RTF1: variants seen among roughly 807,000 people sequenced by gnomAD.
The protein encoded by RTF1 is RTF1 homolog, Paf1/RNA polymerase II complex component.
A neutral mutation model predicts 95.7 loss-of-function variants in RTF1; 10 were observed. The observed-to-expected ratio is 0.10, with a 90% CI of 0.06 to 0.18. RTF1 has a LOEUF of 0.18. Among genes scored for constraint, RTF1 ranks in the 10% least tolerant of loss-of-function variants. RTF1 has a pLI of 1.00. For missense variants in RTF1, 458 were observed against 875.6 expected, an observed-to-expected ratio of 0.52 and a Z score of 6.02; for synonymous variants, 305 against 311.8, an observed-to-expected ratio of 0.98 and a Z score of 0.23.
intron 1 of RTF1, 128 bp from the exon 2 acceptor site, chr15:41,438,193 C>T (rs2050714618): frequency 1.9e-6 from 1 of 534,468 alleles, no homozygotes; most frequent in Non-Finnish European, 3.3e-6. Context: ...ATAGAAGTCC[C>T]TGTGACAATG....
chr15:41,454,867 A>G (rs554251967), intron 3 of RTF1, among the ~76,000 whole-genome samples: 1 of 152,194 alleles, frequency 6.6e-6, no homozygotes, highest in Admixed American at 6.5e-5. Flanking sequence ...TTTCAGTTGC[A>G]CTAGCCACAT....
At chr15:41,477,541 A>G (rs2140657147) in intron 14 of RTF1, 26 bp downstream of exon 14, 1 of 1,592,816 alleles carries the variant, frequency 6.3e-7, no homozygotes, top group African/African-American at 1.3e-5. Context: ...CTGAATCACT[A>G]AAACAAAGTT....
intron 1 of RTF1, among the ~76,000 whole-genome samples, chr15:41,430,009 T>C (rs1197742434): frequency 6.7e-6 from 1 of 148,548 alleles, no homozygotes; most frequent in Non-Finnish European, 1.5e-5. Context: ...ATTTTTTCTT[T>C]TCTTTTTTTT....
At chr15:41,421,374 T>C (rs2050599714) in intron 1 of RTF1, among the ~76,000 whole-genome samples, 1 of 151,890 alleles carries the variant, frequency 6.6e-6, no homozygotes, top group African/African-American at 2.4e-5. Context: ...GAGAATCACT[T>C]GAACCCAGGA....
At chr15:41,472,962 A>G in intron 8 of RTF1, among the ~76,000 whole-genome samples, 1 of 151,758 alleles carries the variant, frequency 6.6e-6, no homozygotes, top group East Asian at 1.9e-4. Context: ...CGGCCTCCCA[A>G]AGTGCTGGGA....
chr15:41,477,062 C>T (rs1328389289), intron 12 of RTF1, 103 bp from the exon 13 acceptor site: 2 of 1,442,876 alleles, frequency 1.4e-6, no homozygotes, highest in Admixed American at 1.7e-5. Context: ...GTCCTTTGCT[C>T]ACCACATGAG....
chr15:41,451,491 T>G (rs1259238202), intron 2 of RTF1, among the ~76,000 whole-genome samples: 1 of 152,234 alleles, frequency 6.6e-6, no homozygotes, highest in Non-Finnish European at 1.5e-5. Context: ...ATTGCCTGCC[T>G]GTTTGACAGT....
chr15:41,426,487 A>G (rs1307471539), intron 1 of RTF1, among the ~76,000 whole-genome samples: 3 of 151,512 alleles, frequency 2.0e-5, no homozygotes, highest in Non-Finnish European at 4.4e-5. Flanking sequence ...TTGTATTTTT[A>G]GTAGAGACAG....
In RTF1 at chr15:41,466,186, C is replaced by G. The variant is rs1379951942; in HGVS notation, c.823C>G (p.Leu275Val). 6.3e-7 allele frequency: 1 copy of G among 1,595,148 alleles called. No homozygotes were observed. Among genetic ancestry groups the G allele is most frequent in the Non-Finnish European group, 8.5e-7 (1 of 1,171,766 alleles). Reference sequence around the variant, plus strand: ...ACGGCGTTCCAAGCGGGATGAGAAACTAGACAAGAAATCTCAAGCCATGGA... The same window carrying G: ...ACGGCGTTCCAAGCGGGATGAGAAAGTAGACAAGAAATCTCAAGCCATGGA... ...KERRSKRDEKLDKKSQAMEEL... is the reference protein window; with the variant it reads ...KERRSKRDEKVDKKSQAMEEL... Residue 275 changes from leucine to valine, a missense_variant, in exon 6 of 18, where the codon CTA (leucine) becomes GTA (valine). Around this residue, in one of 11 missense-constraint regions of RTF1, gnomAD observed 7 missense variants for 54.3 expected, o/e 0.13. Transcript: ENST00000389629.
At chr15:41,468,534 G>C (rs546409128) in intron 6 of RTF1, among the ~76,000 whole-genome samples, 1 of 152,182 alleles carries the variant, frequency 6.6e-6, no homozygotes, top group South Asian at 2.1e-4. Context: ...AGCCAGGATG[G>C]TCTTGATCTC....
At chr15:41,443,731 C>T (rs186442311) in intron 2 of RTF1, among the ~76,000 whole-genome samples, 49 of 152,096 alleles carry the variant, frequency 3.2e-4, no homozygotes, top group Middle Eastern at 3.4e-3. Flanking sequence ...AAAACCCCAT[C>T]TCTACTAAAA....
At chr15:41,455,238 A>G (rs577299305) in intron 3 of RTF1, among the ~76,000 whole-genome samples, 1 of 151,026 alleles carries the variant, frequency 6.6e-6, no homozygotes, top group Admixed American at 6.6e-5. Flanking sequence ...CGCTTGAACC[A>G]GGGAGTTGGA....
At chr15:41,438,498 T>A in intron 2 of RTF1, 67 bp downstream of exon 2, 1 of 1,019,034 alleles carries the variant, frequency 9.8e-7, no homozygotes, top group Non-Finnish European at 1.4e-6. Context: ...TGGTGGCTCC[T>A]GTTGGCCTCA....
chr15:41,471,402 C>G (rs1363500722), intron 8 of RTF1, 53 bp downstream of exon 8: 2 of 1,528,574 alleles, frequency 1.3e-6, no homozygotes, highest in Non-Finnish European at 1.8e-6. Context: ...TAATTAGTCT[C>G]AACTGAGGGC....
At chr15:41,479,253 G>T in intron 16 of RTF1, 55 bp downstream of exon 16, 1 of 1,238,660 alleles carries the variant, frequency 8.1e-7, no homozygotes, top group African/African-American at 1.5e-5. Context: ...CTGAGATACC[G>T]AACAAGTACC....
chr15:41,443,698 G>A (rs1328794866), intron 2 of RTF1, among the ~76,000 whole-genome samples: 1 of 151,802 alleles, frequency 6.6e-6, no homozygotes, highest in Non-Finnish European at 1.5e-5. Context: ...TGGGAAGTTC[G>A]GGACCAGCCT....
intron 6 of RTF1, 108 bp from the exon 7 acceptor site, chr15:41,470,149 A>AG: frequency 8.7e-7 from 1 of 1,153,202 alleles, no homozygotes; most frequent in Admixed American, 2.1e-5. Context: ...CAGTCTAGAG[A>AG]GGACGGAGCT....
Position 41,475,597 on chromosome 15 carries a change from G to A in RTF1, c.1359G>A (p.Met453Ile). The change falls in exon 10 of 18, where the codon ATG becomes ATA. Residue 453 changes from methionine to isoleucine, a missense_variant. Around this residue, in one of 11 missense-constraint regions of RTF1, gnomAD observed 150 missense variants for 275.7 expected, o/e 0.54. Transcript: ENST00000389629. Reference sequence around the variant, plus strand: ...AAGAATTCACCGAAAGTGAGTTTATGAAGTGGAAAGAAGCGGTACGTGGCT... The same window carrying A: ...AAGAATTCACCGAAAGTGAGTTTATAAAGTGGAAAGAAGCGGTACGTGGCT... ...SNQEFTESEFMKWKEAMFSAG... is the reference protein window; with the variant it reads ...SNQEFTESEFIKWKEAMFSAG... The A allele has an allele frequency of 6.2e-7, 1 of 1,614,088 alleles. No individual in the cohort carries two copies. The highest frequency in any genetic ancestry group is 8.5e-7 in the Non-Finnish European group (1 of 1,179,954).
At position 41,457,907 on chromosome 15, in the gene RTF1, C is replaced by T. The variant is rs563644270; in HGVS notation, c.662+31C>T. On this transcript the variant is annotated intron_variant, in intron 4 of 17. Transcript: ENST00000389629. Reference sequence around the variant, plus strand: ...GTTGTCCTCGTCGTTGTCCCCCCCCCGCCCCCACCTTTTCTGTTCATCTCT... The same window carrying T: ...GTTGTCCTCGTCGTTGTCCCCCCCCTGCCCCCACCTTTTCTGTTCATCTCT... The T allele has an allele frequency of 2.2e-4, 301 of 1,338,986 alleles. No individual in the cohort carries two copies. The African/African-American group carries it at 4.2e-3, about 19-fold the overall frequency. The allele number at this position is 1,338,986 out of a possible 1,614,324, so 82.9% of individuals were successfully genotyped here. A position where few individuals can be genotyped will look rare whatever the true frequency, so the allele number is the denominator to read the frequency against.
Sources: allele counts gnomAD v4.1 joint callset (sites outside exome capture counted in the v4.1 genomes callset), GRCh38; gene constraint gnomAD v4.1.1; regional missense constraint gnomAD v4.1.1; transcripts MANE v1.5; gene names NCBI Gene and HGNC (gene_info 2026-07-23, HGNC 2026-07-21).